Variants in PRKD2 observed in about 807,000 individuals in gnomAD.
The protein encoded by PRKD2 is serine/threonine-protein kinase D2.
PRKD2 carries 22 observed loss-of-function variants against 86.0 expected under a neutral mutation model. The ratio of observed to expected loss-of-function variants is 0.26; its 90% confidence interval spans 0.18 to 0.37. The LOEUF is 0.37. Among genes scored for constraint, PRKD2 ranks in the 10% least tolerant of loss-of-function variants. The pLI, the probability that PRKD2 is intolerant of heterozygous loss-of-function variation, is 1.00. For synonymous variants in PRKD2, 509 were observed against 510.9 expected, an observed-to-expected ratio of 1.00 and a Z score of 0.05; for missense variants, 818 against 1,199.2, an observed-to-expected ratio of 0.68 and a Z score of 4.70.
At chr19:46,702,038 G>GTT (rs869093299) in intron 5 of PRKD2, among the ~76,000 whole-genome samples, 124 of 131,686 alleles carry the variant, frequency 9.4e-4, no homozygotes, top group South Asian at 2.4e-3. Flanking sequence ...TCTGTTTTTT[G>GTT]TTTTTTTTTT....
intron 3 of PRKD2, among the ~76,000 whole-genome samples, chr19:46,707,373 A>T (rs1459571382): frequency 6.6e-6 from 1 of 151,846 alleles, no homozygotes; most frequent in African/African-American, 2.4e-5. Flanking sequence ...GGGGAGGCTG[A>T]GGAGGGTGGA....
chr19:46,688,305 C>G lies in PRKD2; in HGVS notation c.1971+1232G>C, dbSNP rs143058742. Among the ~76,000 whole-genome samples, 29 of 152,004 alleles carry G rather than the reference C, an allele frequency of 1.9e-4. No individual in the cohort carries two copies. In the East Asian group the frequency reaches 5.4e-3, roughly 28 times the overall value. Reference sequence around the variant, plus strand: ...GGTGTACCCCACCATGCCTGACTCCCCTTTTTTCTAGATGAGTCAAGTCAG... The same window carrying G: ...GGTGTACCCCACCATGCCTGACTCCGCTTTTTTCTAGATGAGTCAAGTCAG... On this transcript the variant is annotated intron_variant, in intron 14 of 17. Coordinates refer to ENST00000291281, the MANE Select transcript of PRKD2 (RefSeq NM_016457.5).
chr19:46,681,407 A>G (rs2053304861), intron 15 of PRKD2, among the ~76,000 whole-genome samples: 1 of 151,370 alleles, frequency 6.6e-6, no homozygotes, highest in Non-Finnish European at 1.5e-5. Flanking sequence ...GGCGCACGCC[A>G]CCATTCCCGG....
intron 1 of PRKD2, among the ~76,000 whole-genome samples, chr19:46,715,323 C>T (rs1309876859): frequency 6.6e-6 from 1 of 152,152 alleles, no homozygotes; most frequent in East Asian, 1.9e-4. Context: ...TAATGTTTTA[C>T]TATTTCACAA....
intron 5 of PRKD2, among the ~76,000 whole-genome samples, chr19:46,703,522 G>A (rs552840727): frequency 1.1e-4 from 16 of 151,912 alleles, no homozygotes; most frequent in Admixed American, 3.3e-4. Context: ...CTGTAATCCC[G>A]GCATTTTGGG....
At chr19:46,696,780 A>G (rs1284254432) in intron 9 of PRKD2, among the ~76,000 whole-genome samples, 1 of 152,102 alleles carries the variant, frequency 6.6e-6, no homozygotes, top group Non-Finnish European at 1.5e-5. Context: ...ACAAAAAATA[A>G]AGGAATAGTG....
At chr19:46,690,036 G>C (rs935577843) in intron 13 of PRKD2, among the ~76,000 whole-genome samples, 1 of 152,048 alleles carries the variant, frequency 6.6e-6, no homozygotes, top group East Asian at 1.9e-4. Flanking sequence ...CACCATGCCC[G>C]GCCCAGAAGG....
intron 7 of PRKD2, among the ~76,000 whole-genome samples, chr19:46,699,079 CA>C (rs1290489146): frequency 6.6e-6 from 1 of 152,042 alleles, no homozygotes; most frequent in Non-Finnish European, 1.5e-5. Context: ...CCTTTCTGTC[CA>C]ACCCTCTTCC....
In PRKD2 at chr19:46,716,486, G is replaced by A. The variant is rs960712415; in HGVS notation, c.-116C>T. The A allele has an allele frequency of 3.6e-6, 2 of 558,264 alleles. No homozygotes were observed. The highest frequency in any genetic ancestry group is 6.0e-6 in the Non-Finnish European group (2 of 333,496). 34.6% of individuals were successfully genotyped at this position (558,264 alleles called of 1,614,324 possible). A position where few individuals can be genotyped will look rare whatever the true frequency, so the allele number is the denominator to read the frequency against. Reference sequence around the variant, plus strand: ...CGTGAGCAGGTGGTGGGAGAGCGGGGATCCGAGAAAAGATCTGGCAGGCGG... The same window carrying A: ...CGTGAGCAGGTGGTGGGAGAGCGGGAATCCGAGAAAAGATCTGGCAGGCGG... On this transcript the variant is annotated 5_prime_UTR_variant, in exon 1 of 18. Coordinates refer to ENST00000291281, the MANE Select transcript of PRKD2 (RefSeq NM_016457.5). This position sits in a 1 kb window ranked among gnomAD's most constrained non-coding sequence, Gnocchi z 7.9.
At chr19:46,674,860 G>A (rs922094189) in intron 17 of PRKD2, 125 bp from the exon 18 acceptor site, 2 of 1,211,954 alleles carry the variant, frequency 1.7e-6, no homozygotes, top group Non-Finnish European at 1.2e-6. Flanking sequence ...AACCCACCCA[G>A]CCAGTAGACA....
chr19:46,697,760 C>T lies in PRKD2; in HGVS notation c.1212G>A (p.Val404=), dbSNP rs958440019. Reference sequence around the variant, plus strand: ...GCGTGTCCTTGTTGCTGTAATGAACCACCCAACCCTCCCGCAGCGTGGTGC... The same window carrying T: ...GCGTGTCCTTGTTGCTGTAATGAACTACCCAACCCTCCCGCAGCGTGGTGC... ...KSSTTLREGW[V]VHYSNKDTLR... The change falls in exon 8 of 18, where the codon GTG becomes GTA. Residue 404 remains valine (V), a synonymous_variant. Transcript: ENST00000291281. 1.2e-6 allele frequency: 2 copies of T among 1,613,976 alleles called. No homozygotes were observed. The highest frequency in any genetic ancestry group is 1.7e-5 in the Admixed American group (1 of 59,988).
chr19:46,690,847 C>G (rs910735074), intron 12 of PRKD2, 141 bp from the exon 13 acceptor site: 3 of 655,618 alleles, frequency 4.6e-6, no homozygotes, highest in Non-Finnish European at 7.9e-6. Flanking sequence ...CCAGGAGATA[C>G]GTGAAAAGGC....
intron 13 of PRKD2, 122 bp from the exon 14 acceptor site, chr19:46,689,820 G>T: frequency 8.6e-7 from 1 of 1,161,092 alleles, no homozygotes; most frequent in South Asian, 1.5e-5. Flanking sequence ...ATTGGCACTT[G>T]GAGAGGGAAG....
At chr19:46,687,628 C>T (rs2053421077) in intron 14 of PRKD2, among the ~76,000 whole-genome samples, 1 of 152,172 alleles carries the variant, frequency 6.6e-6, no homozygotes, top group South Asian at 2.1e-4. Context: ...TTGAAGAGTG[C>T]TTGGCACATA....
chr19:46,688,647 G>C (rs1363881557), intron 14 of PRKD2: 1 of 152,016 alleles, frequency 6.6e-6, no homozygotes, highest in Non-Finnish European at 1.5e-5. Flanking sequence ...ATGTTGGCCA[G>C]GCTGGTCTCA....
In PRKD2 at chr19:46,704,855, A is replaced by G. The variant is rs377352247; in HGVS notation, c.512-206T>C. Among the ~76,000 whole-genome samples the G allele has an allele frequency of 4.7e-5, 7 of 148,254 alleles. No homozygotes were observed. The South Asian group carries it at 1.5e-3, about 31-fold the overall frequency. On this transcript the variant is annotated intron_variant, in intron 3 of 17. Coordinates refer to ENST00000291281, the MANE Select transcript of PRKD2 (RefSeq NM_016457.5). ...TCCTTAGAGTTCTGCCCCAAGTTCC[A>G]GCTTGTAGCCCCACCATCACCCCAT...
rs1360459560 is a variant in PRKD2, at chr19:46,713,891, C to T, written c.351G>A (p.Glu117=). The change falls in exon 2 of 18, where the codon GAG becomes GAA. Residue 117 remains glutamate, a synonymous_variant. Coordinates refer to ENST00000291281, the MANE Select transcript of PRKD2 (RefSeq NM_016457.5). ...QLVRSSGDIQ[E]GDLVEVVLSA... is the part of the protein sequence containing the mutation. ...ACAGCACCACCTCCACCAGGTCGCCCTCCTGGATGTCTCCGGACGAGCGCA... is the reference window on the plus strand; with the variant it reads ...ACAGCACCACCTCCACCAGGTCGCCTTCCTGGATGTCTCCGGACGAGCGCA... 6.2e-7 allele frequency: 1 copy of T among 1,611,874 alleles called. No homozygotes were observed. The highest frequency in any genetic ancestry group is 8.5e-7 in the Non-Finnish European group (1 of 1,179,188).
intron 3 of PRKD2, among the ~76,000 whole-genome samples, chr19:46,708,259 G>T (rs1225285407): frequency 6.7e-6 from 1 of 149,538 alleles, no homozygotes; most frequent in Non-Finnish European, 1.5e-5. Context: ...GGTAATTAAG[G>T]TTAATTGAGG....
intron 5 of PRKD2, among the ~76,000 whole-genome samples, chr19:46,702,031 G>GTTTTTTTTTTTTTTTTTTTTTTTTT (rs869150137): frequency 1.6e-5 from 2 of 122,158 alleles, no homozygotes; most frequent in Non-Finnish European, 3.5e-5. Flanking sequence ...CTATGATTCT[G>GTTTTTTTTTTTTTTTTTTTTTTTTT]TTTTTTGTTT....
Sources: allele counts gnomAD v4.1 joint callset (sites outside exome capture counted in the v4.1 genomes callset), GRCh38; gene constraint gnomAD v4.1.1; non-coding constraint Gnocchi (gnomAD v3.1); transcripts MANE v1.5; gene names NCBI Gene and HGNC (gene_info 2026-07-23, HGNC 2026-07-21).